The following NETO1 variants were observed in gnomAD, a reference collection of about 807,000 sequenced individuals.
NETO1 encodes the protein neuropilin and tolloid-like protein 1.
NETO1 carries 26 observed loss-of-function variants against 61.3 expected under a neutral mutation model. That is an observed-to-expected ratio of 0.42 (90% CI 0.31 to 0.59). The LOEUF is 0.59. Among genes scored for constraint, NETO1 ranks in the 20% least tolerant of loss-of-function variants. The pLI is 0.12. For missense variants in NETO1, 531 were observed against 662.8 expected (o/e 0.80, Z 2.18); for synonymous variants, 225 against 225.8 (o/e 1.00, Z 0.03).
chr18:72,844,663 C>A (rs1307496178), intron 4 of NETO1, among the ~76,000 whole-genome samples: 2 of 152,150 alleles, frequency 1.3e-5, no homozygotes, highest in Non-Finnish European at 2.9e-5. Context: ...TTTATTCATT[C>A]GTTGACTCAT....
chr18:72,857,942 T>C (rs866256155), intron 4 of NETO1, among the ~76,000 whole-genome samples: 4 of 152,176 alleles, frequency 2.6e-5, no homozygotes, highest in African/African-American at 9.6e-5. Context: ...CAAAGCTGTA[T>C]TTAGATGTTA....
intron 7 of NETO1, among the ~76,000 whole-genome samples, chr18:72,762,047 A>T (rs1943666): frequency 1.3e-5 from 2 of 152,212 alleles, no homozygotes; most frequent in African/African-American, 4.8e-5. Flanking sequence ...AAAACTTGGC[A>T]AAGTGTTCCA....
At chr18:72,796,212 T>C (rs189262721) in intron 4 of NETO1, among the ~76,000 whole-genome samples, 70 of 152,356 alleles carry the variant, frequency 4.6e-4, no homozygotes, top group Admixed American at 7.2e-4. Context: ...TTTCTTTGTA[T>C]GTCTGTGTGC....
At chr18:72,835,421 G>T in intron 4 of NETO1, 1 of 866,254 alleles carries the variant, frequency 1.2e-6, no homozygotes, top group Non-Finnish European at 1.8e-6. Context: ...TAATACAGGA[G>T]GAGCAAATCC....
At chr18:72,811,088 G>A (rs2072851556) in intron 4 of NETO1, among the ~76,000 whole-genome samples, 1 of 151,818 alleles carries the variant, frequency 6.6e-6, no homozygotes, top group Non-Finnish European at 1.5e-5. Flanking sequence ...TTCCATATCC[G>A]CCATGGTGTT....
intron 4 of NETO1, among the ~76,000 whole-genome samples, chr18:72,825,843 T>C (rs1229824390): frequency 6.6e-6 from 1 of 152,194 alleles, no homozygotes; most frequent in African/African-American, 2.4e-5. Flanking sequence ...TTTAAAAATC[T>C]TTTCATTGAT....
intron 4 of NETO1, among the ~76,000 whole-genome samples, chr18:72,847,008 G>T (rs2074110727): frequency 6.6e-6 from 1 of 152,224 alleles, no homozygotes; most frequent in Admixed American, 6.5e-5. Flanking sequence ...TTTTAAGGTT[G>T]CACTGGTTTT....
At chr18:72,835,109 A>C in intron 4 of NETO1, 1 of 1,163,918 alleles carries the variant, frequency 8.6e-7, no homozygotes, top group Non-Finnish European at 1.1e-6. Flanking sequence ...CTAATTTACT[A>C]AGTCCGAATA....
At chr18:72,802,100 C>T (rs1169390191) in intron 4 of NETO1, among the ~76,000 whole-genome samples, 2 of 151,172 alleles carry the variant, frequency 1.3e-5, no homozygotes, top group Non-Finnish European at 2.9e-5. Context: ...GAAAAATAGG[C>T]ATTTTTGAAT....
chr18:72,754,516 A>G (rs1199398695), intron 8 of NETO1, among the ~76,000 whole-genome samples: 1 of 152,160 alleles, frequency 6.6e-6, no homozygotes, highest in Non-Finnish European at 1.5e-5. Flanking sequence ...ACCATAAGAA[A>G]GATGTAGTGG....
intron 7 of NETO1, among the ~76,000 whole-genome samples, chr18:72,772,793 T>TATCTCTCTCTCTC (rs1391807702): frequency 8.5e-5 from 5 of 58,970 alleles, no homozygotes; most frequent in African/African-American, 2.7e-4. Context: ...CTCTATATAG[T>TATCTCTCTCTCTC]TCTCTCTCTC....
intron 4 of NETO1, among the ~76,000 whole-genome samples, chr18:72,809,564 C>T (rs1177241649): frequency 6.6e-6 from 1 of 152,030 alleles, no homozygotes; most frequent in Non-Finnish European, 1.5e-5. Flanking sequence ...ATAAATTATC[C>T]CATGCATGTA....
chr18:72,755,467 T>C (rs2070752079), intron 8 of NETO1, among the ~76,000 whole-genome samples: 1 of 152,086 alleles, frequency 6.6e-6, no homozygotes, highest in Non-Finnish European at 1.5e-5. Flanking sequence ...ACATCCATAA[T>C]CCAGCCAACG....
chr18:72,850,234 A>G (rs2074209110), intron 4 of NETO1, among the ~76,000 whole-genome samples: 1 of 152,128 alleles, frequency 6.6e-6, no homozygotes, highest in African/African-American at 2.4e-5. Context: ...TGCAGATACT[A>G]TATTTCTACA....
At chr18:72,817,439 C>A (rs1599063960) in intron 4 of NETO1, among the ~76,000 whole-genome samples, 1 of 152,212 alleles carries the variant, frequency 6.6e-6, no homozygotes, top group Admixed American at 6.5e-5. Flanking sequence ...GAAGAACCAA[C>A]TAGTCAACCA....
chr18:72,767,109 T>C (rs1053809267), intron 7 of NETO1, among the ~76,000 whole-genome samples: 6 of 152,168 alleles, frequency 3.9e-5, no homozygotes, highest in Non-Finnish European at 8.8e-5. Flanking sequence ...CTTGCTCTCA[T>C]TGAACATGCC....
chr18:72,742,915 A>T (rs762388336), downstream of NETO1: 4 of 152,308 alleles, frequency 2.6e-5, no homozygotes, highest in Non-Finnish European at 5.9e-5. Context: ...ACCTTGAAAC[A>T]ATAAAGTATA....
intron 4 of NETO1, among the ~76,000 whole-genome samples, chr18:72,820,080 G>A (rs74980562): frequency 0.024 from 3,684 of 152,230 alleles, 151 homozygotes; most frequent in African/African-American, 0.083. Context: ...TGAAGAATAT[G>A]TTTTGTATGA....
chr18:72,824,199 T>C (rs979437440), intron 4 of NETO1, among the ~76,000 whole-genome samples: 3 of 152,208 alleles, frequency 2.0e-5, no homozygotes, highest in Admixed American at 6.5e-5. Context: ...TCTCAGTAAA[T>C]AGAGCTCCCA....
Sources: gnomAD v4.1 joint callset for allele counts (sites outside exome capture counted in the v4.1 genomes callset) on GRCh38, gnomAD v4.1.1 for gene constraint, MANE v1.5 for transcripts, NCBI Gene and HGNC (gene_info 2026-07-23, HGNC 2026-07-21) for gene names.